The following PRLR variants were observed in gnomAD, a reference collection of about 807,000 sequenced individuals.
The protein encoded by PRLR is hPRL receptor.
In PRLR, 13 loss-of-function variants were observed where a neutral mutation model predicts 40.2. The observed-to-expected ratio is 0.32, with a 90% CI of 0.21 to 0.51. The LOEUF is 0.51. PRLR is among the 20% of genes least tolerant of loss of function. PRLR has a pLI of 0.97. For missense variants in PRLR, 656 were observed against 747.3 expected (o/e 0.88, Z 1.42); for synonymous variants, 269 against 278.7 (o/e 0.97, Z 0.35).
rs766364116 is a variant in PRLR at position 35,086,291 on chromosome 5, A to G, written c.120T>C (p.Asn40=). The part of the protein sequence containing the change: ...KPEIFKCRSP[N]KETFTCWWRP... Reference sequence around the variant, plus strand: ...TCCACCAGCAGGTGAATGTTTCCTTATTGGGAGAACGACATTTAAAGATCT... The same window carrying G: ...TCCACCAGCAGGTGAATGTTTCCTTGTTGGGAGAACGACATTTAAAGATCT... The change falls in exon 4 of 10, where the codon AAT becomes AAC. Residue 40 remains asparagine, a synonymous_variant. Transcript: ENST00000618457. 6.2e-6 allele frequency: 10 copies of G among 1,613,904 alleles called. No homozygotes were observed. The African/African-American group carries it at 1.1e-4, about 17-fold the overall frequency.
chr5:35,083,202 C>A (rs1770628790), intron 5 of PRLR, among the ~76,000 whole-genome samples: 1 of 152,066 alleles, frequency 6.6e-6, no homozygotes, highest in Non-Finnish European at 1.5e-5. Context: ...CTCAGCGCAA[C>A]TGAGGTACAA....
chr5:35,119,659 G>A (rs1773211015), intron 1 of PRLR, among the ~76,000 whole-genome samples: 5 of 152,160 alleles, frequency 3.3e-5, no homozygotes, highest in Admixed American at 3.3e-4. Flanking sequence ...AAAAATTTTA[G>A]ATTCTAAGAA....
intron 1 of PRLR, among the ~76,000 whole-genome samples, chr5:35,119,116 G>T (rs1440568528): frequency 1.3e-5 from 2 of 152,042 alleles, no homozygotes; most frequent in Non-Finnish European, 2.9e-5. Context: ...TTTAAAATGG[G>T]CTTCGATATA....
chr5:35,204,214 CA>C lies in PRLR; in HGVS notation c.-106+26053del, dbSNP rs536343549. Among the ~76,000 whole-genome samples the C allele has an allele frequency of 9.3e-3, 1,065 of 114,076 alleles. 8 individuals are homozygous for C. Among genetic ancestry groups the C allele is most frequent in the African/African-American group, 0.032 (959 of 29,538 alleles). The allele number at this position is 114,076 out of a possible 152,430, so 74.8% of individuals were successfully genotyped here. A position where few individuals can be genotyped will look rare whatever the true frequency, so the allele number is the denominator to read the frequency against. ...GGTGACAAGAGTAAAATTTCTGTCT[CA>C]AAAAAAAAAATAATAAATAAAATGA... On this transcript the variant is annotated intron_variant, in intron 1 of 9. Coordinates refer to ENST00000618457, the MANE Select transcript of PRLR (RefSeq NM_000949.7).
intron 2 of PRLR, among the ~76,000 whole-genome samples, chr5:35,113,043 T>C (rs1579677831): frequency 2.0e-5 from 3 of 152,156 alleles, no homozygotes; most frequent in Admixed American, 1.3e-4. Flanking sequence ...TTGACCTATG[T>C]AGTGGCTGGA....
chr5:35,066,699 C>T (rs953847968), intron 9 of PRLR, among the ~76,000 whole-genome samples: 2 of 150,104 alleles, frequency 1.3e-5, no homozygotes, highest in Non-Finnish European at 2.9e-5. Flanking sequence ...TATTATTCTC[C>T]CTGCTTCTAT....
At chr5:35,087,513 C>A (rs1346341408) in intron 3 of PRLR, among the ~76,000 whole-genome samples, 1 of 150,634 alleles carries the variant, frequency 6.6e-6, no homozygotes, top group Non-Finnish European at 1.5e-5. Context: ...GTGTGTGGCC[C>A]TTTTGTAATC....
At chr5:35,180,389 T>A (rs989190780) in intron 1 of PRLR, among the ~76,000 whole-genome samples, 2 of 152,100 alleles carry the variant, frequency 1.3e-5, no homozygotes, top group Non-Finnish European at 2.9e-5. Flanking sequence ...GAGATGTAGT[T>A]GTTTAAAAGT....
At chr5:35,087,934 C>T (rs960589372) in intron 3 of PRLR, among the ~76,000 whole-genome samples, 2 of 152,176 alleles carry the variant, frequency 1.3e-5, no homozygotes, top group Non-Finnish European at 2.9e-5. Flanking sequence ...CAGAGAGGAG[C>T]GCTTTCAGAT....
intron 3 of PRLR, among the ~76,000 whole-genome samples, chr5:35,088,977 T>A (rs906609921): frequency 6.6e-6 from 1 of 152,136 alleles, no homozygotes; most frequent in African/African-American, 2.4e-5. Flanking sequence ...CATATAGAAG[T>A]CTGCACACCC....
In PRLR at chr5:35,049,151, C is replaced by G. The variant is rs1311885509; in HGVS notation, c.*136G>C. 5 of 698,408 alleles carry G rather than the reference C, an allele frequency of 7.2e-6. No individual in the cohort carries two copies. The African/African-American group carries it at 8.8e-5, about 12-fold the overall frequency. The allele number at this position is 698,408 out of a possible 1,614,324, so 43.3% of individuals were successfully genotyped here. A position where few individuals can be genotyped will look rare whatever the true frequency, so the allele number is the denominator to read the frequency against. On this transcript the variant is annotated 3_prime_UTR_variant, in exon 9 of 9. Transcript: ENST00000231423. ...GGAGTGATCATATGAGCTGGCTGGT[C>G]ACGTGCTGCAGGAGTAATCCAAGTC...
At chr5:35,207,353 G>A (rs1276423796) in intron 1 of PRLR, among the ~76,000 whole-genome samples, 4 of 151,980 alleles carry the variant, frequency 2.6e-5, no homozygotes, top group African/African-American at 9.7e-5. Flanking sequence ...TATTTATCCT[G>A]TAGTCCAGTA....
rs560727616 is a variant in PRLR, at chr5:35,181,642, C to T, written c.-106+48626G>A. ...AACTGCAATTCTTTGTGAAGTAAGG[C>T]ATAAAGAGGAGGCTAAAATAATTTA... On this transcript the variant is annotated intron_variant, in intron 1 of 9. Coordinates refer to ENST00000618457, the MANE Select transcript of PRLR (RefSeq NM_000949.7). Among the ~76,000 whole-genome samples, 5 of 152,276 alleles carry T rather than the reference C, an allele frequency of 3.3e-5. No homozygotes were observed. In the South Asian group the frequency reaches 1.0e-3, roughly 32 times the overall value.
chr5:35,224,649 A>G (rs1403587126), intron 1 of PRLR, among the ~76,000 whole-genome samples: 1 of 152,188 alleles, frequency 6.6e-6, no homozygotes, highest in Non-Finnish European at 1.5e-5. Flanking sequence ...TGTACAGCAC[A>G]TTTCACCATT....
chr5:35,227,216 A>G (rs1430563968), intron 1 of PRLR, among the ~76,000 whole-genome samples: 1 of 152,212 alleles, frequency 6.6e-6, no homozygotes, highest in East Asian at 1.9e-4. Context: ...ACACCACTTA[A>G]AAGCACCCAC....
chr5:35,226,949 G>A (rs571195893), intron 1 of PRLR, among the ~76,000 whole-genome samples: 5 of 152,332 alleles, frequency 3.3e-5, no homozygotes, highest in African/African-American at 1.2e-4. Flanking sequence ...GAATGAAAAC[G>A]TGCTCAGCAC....
chr5:35,153,138 G>T (rs1774386758), intron 1 of PRLR, among the ~76,000 whole-genome samples: 1 of 151,878 alleles, frequency 6.6e-6, no homozygotes, highest in Non-Finnish European at 1.5e-5. Context: ...TATATCATAA[G>T]CACTTAATAA....
At chr5:35,055,598 A>G (rs1333295339), downstream of PRLR, 1 of 152,118 alleles carries the variant, frequency 6.6e-6, no homozygotes, top group Non-Finnish European at 1.5e-5. Context: ...AAAAAAATCT[A>G]TTCTAATAAA....
intron 1 of PRLR, among the ~76,000 whole-genome samples, chr5:35,163,924 C>A (rs1327285335): frequency 6.6e-6 from 1 of 152,148 alleles, no homozygotes; most frequent in Non-Finnish European, 1.5e-5. Flanking sequence ...TGATGAAATG[C>A]AACCCAAGTA....
Sources: allele counts gnomAD v4.1 joint callset (sites outside exome capture counted in the v4.1 genomes callset), GRCh38; gene constraint gnomAD v4.1.1; transcripts MANE v1.5; gene names NCBI Gene and HGNC (gene_info 2026-07-23, HGNC 2026-07-21).